SCN10A: variants seen among roughly 807,000 people sequenced by gnomAD.
The protein encoded by SCN10A is sodium channel protein type 10 subunit alpha.
SCN10A carries 162 observed loss-of-function variants against 170.7 expected under a neutral mutation model. The observed-to-expected ratio is 0.95, with a 90% CI of 0.84 to 1.08. The LOEUF is 1.08. Ranked by LOEUF, SCN10A falls within the 50% of genes least tolerant of loss-of-function variation. The pLI, the probability that SCN10A is intolerant of heterozygous loss-of-function variation, is 0.00. For missense variants in SCN10A, 2,527 were observed against 2,436.9 expected (o/e 1.04, Z -0.78); for synonymous variants, 985 against 904.6 (o/e 1.09, Z -1.59).
At chr3:38,725,415 G>A (rs2126000159) in intron 17 of SCN10A, 101 bp from the exon 18 acceptor site, 1 of 1,169,492 alleles carries the variant, frequency 8.6e-7, no homozygotes, top group East Asian at 2.6e-5. Context: ...AGAGCCAAGA[G>A]TTTCATATAT....
At position 38,756,621 on chromosome 3, in the gene SCN10A, C is replaced by A. The variant is rs541021339; in HGVS notation, c.1290+53G>T. On this transcript the variant is annotated intron_variant, in intron 10 of 27. Transcript: ENST00000449082. Reference sequence around the variant, plus strand: ...TGAAGTGGCTAGTCCAGAACAGTATCCAAGAATGGACAGTCTGCAACCTTC... The same window carrying A: ...TGAAGTGGCTAGTCCAGAACAGTATACAAGAATGGACAGTCTGCAACCTTC... The A allele has an allele frequency of 8.1e-5, 119 of 1,464,786 alleles. 1 individual carries two copies. In the African/African-American group the frequency reaches 1.3e-3, roughly 16 times the overall value. The allele number at this position is 1,464,786 out of a possible 1,614,324, so 90.7% of individuals were successfully genotyped here. A position where few individuals can be genotyped will look rare whatever the true frequency, so the allele number is the denominator to read the frequency against.
In SCN10A at chr3:38,758,005, T is replaced by C. The variant is rs142452408; in HGVS notation, c.951-846A>G. On this transcript the variant is annotated intron_variant, in intron 8 of 27. Coordinates refer to ENST00000449082, the MANE Select transcript of SCN10A (RefSeq NM_006514.4). ...TGAAACAGCAATGCCTCGTTTGAAG[T>C]CCAGAATTATTTTTTTAAATTTTTT... Among the ~76,000 whole-genome samples the C allele has an allele frequency of 1.1e-3, 173 of 152,274 alleles. 2 individuals carry two copies. In the East Asian group the frequency reaches 0.024, roughly 21 times the overall value.
intron 11 of SCN10A, among the ~76,000 whole-genome samples, chr3:38,753,335 C>T (rs562739851): frequency 9.9e-5 from 15 of 152,262 alleles, no homozygotes; most frequent in Admixed American, 7.2e-4. Context: ...CATTTGTGTC[C>T]TCAGGTGGTC....
At chr3:38,805,308 G>C (rs1052886790) in intron 1 of SCN10A, among the ~76,000 whole-genome samples, 2 of 152,102 alleles carry the variant, frequency 1.3e-5, no homozygotes, top group African/African-American at 4.8e-5. Flanking sequence ...TGTTATGTCT[G>C]AGTGAAACTG....
In SCN10A at chr3:38,723,588, T is replaced by C. The variant is rs371207458; in HGVS notation, c.3229-35A>G. The stretch of plus-strand genomic sequence containing the variant: ...AGAAGCCCAGGGCAGTGAACTCGTC[T>C]CTCCGCGGGGCCCGGGGAATTGCAC... On this transcript the variant is annotated intron_variant, in intron 18 of 27. Coordinates refer to ENST00000449082, the MANE Select transcript of SCN10A (RefSeq NM_006514.4). 7 of 1,555,526 alleles carry C rather than the reference T, an allele frequency of 4.5e-6. No individual in the cohort carries two copies. In the African/African-American group the frequency reaches 9.6e-5, roughly 21 times the overall value.
chr3:38,802,730 T>C (rs887596523), intron 1 of SCN10A, among the ~76,000 whole-genome samples: 2 of 152,182 alleles, frequency 1.3e-5, no homozygotes, highest in African/African-American at 4.8e-5. Flanking sequence ...ATTTAGGACA[T>C]AGGCATGGGC....
intron 25 of SCN10A, among the ~76,000 whole-genome samples, chr3:38,709,137 A>T (rs1457691451): frequency 6.6e-6 from 1 of 152,114 alleles, no homozygotes; most frequent in Non-Finnish European, 1.5e-5. Flanking sequence ...TGTGGGGATC[A>T]TATCCCCCAA....
intron 23 of SCN10A, among the ~76,000 whole-genome samples, chr3:38,711,793 A>G (rs1209397001): frequency 6.6e-6 from 1 of 152,242 alleles, no homozygotes; most frequent in Non-Finnish European, 1.5e-5. Flanking sequence ...ATTACAATAG[A>G]CCTAATGAGA....
At chr3:38,736,190 C>A (rs1047124991) in intron 15 of SCN10A, among the ~76,000 whole-genome samples, 2 of 152,148 alleles carry the variant, frequency 1.3e-5, no homozygotes, top group Non-Finnish European at 2.9e-5. Context: ...GCCTTTTTGG[C>A]TGGAGCAAAG....
intron 15 of SCN10A, among the ~76,000 whole-genome samples, chr3:38,739,183 T>C (rs2063602724): frequency 6.6e-6 from 1 of 152,214 alleles, no homozygotes; most frequent in Admixed American, 6.5e-5. Context: ...TCCAGTGCTA[T>C]GCCTGACACA....
intron 1 of SCN10A, among the ~76,000 whole-genome samples, chr3:38,802,901 C>T (rs1388752594): frequency 6.6e-6 from 1 of 152,126 alleles, no homozygotes; most frequent in East Asian, 1.9e-4. Flanking sequence ...ATCTACTCAT[C>T]TGATAAAGGG....
At chr3:38,782,490 T>C (rs949902617) in intron 4 of SCN10A, among the ~76,000 whole-genome samples, 3 of 152,116 alleles carry the variant, frequency 2.0e-5, no homozygotes, top group Admixed American at 6.6e-5. Flanking sequence ...TGTATATTTA[T>C]ACTGTTCTTT....
chr3:38,763,817 C>CA (rs2063902636), intron 5 of SCN10A, among the ~76,000 whole-genome samples: 1 of 152,190 alleles, frequency 6.6e-6, no homozygotes, highest in Non-Finnish European at 1.5e-5. Flanking sequence ...GTGATCTAGG[C>CA]AACACTGCAT....
intron 4 of SCN10A, among the ~76,000 whole-genome samples, chr3:38,786,013 C>T (rs4390861): frequency 0.15 from 22,824 of 152,060 alleles, 1,787 homozygotes; most frequent in African/African-American, 0.2. Context: ...GATAGGAATG[C>T]TTTTACACTG....
Position 38,712,230 on chromosome 3 carries a change from G to T in SCN10A, c.4020C>A (p.Ser1340Arg). The change falls in exon 23 of 28, where the codon AGC becomes AGA. Residue 1340 changes from serine to arginine, a missense_variant. Transcript: ENST00000449082. ...TGACTTTCACATTGACCCAGAAGAA[G>T]CTGCCAGTGGAGTTTTGAATCTTGC... is the stretch of plus-strand genomic sequence containing the variant. ...SDCKIQNSTGSFFWVNVKVNF... is the reference protein window; with the variant it reads ...SDCKIQNSTGRFFWVNVKVNF... 6.2e-7 allele frequency: 1 copy of T among 1,614,196 alleles called. No individual in the cohort carries two copies. The highest frequency in any genetic ancestry group is 8.5e-7 in the Non-Finnish European group (1 of 1,180,014).
intron 15 of SCN10A, among the ~76,000 whole-genome samples, chr3:38,736,781 T>A (rs2063565116): frequency 6.6e-6 from 1 of 151,766 alleles, no homozygotes. Flanking sequence ...CTGATCAGCA[T>A]GTTAAATCAG....
Position 38,712,234 on chromosome 3 carries a change from C to A in SCN10A, c.4016G>T (p.Gly1339Val), listed in dbSNP as rs1191498319. The A allele has an allele frequency of 1.9e-5, 31 of 1,614,040 alleles. No individual in the cohort carries two copies. Among genetic ancestry groups the A allele is most frequent in the Non-Finnish European group, 2.6e-5 (31 of 1,180,010 alleles). The change falls in exon 23 of 28, where the codon GGC (glycine) becomes GTC (valine). Residue 1339 changes from glycine to valine, a missense_variant. Coordinates refer to ENST00000449082, the MANE Select transcript of SCN10A (RefSeq NM_006514.4). ...KSDCKIQNST[G>V]SFFWVNVKVN... Reference sequence around the variant, plus strand: ...TTTCACATTGACCCAGAAGAAGCTGCCAGTGGAGTTTTGAATCTTGCAGTC... The same window carrying A: ...TTTCACATTGACCCAGAAGAAGCTGACAGTGGAGTTTTGAATCTTGCAGTC...
At chr3:38,718,123 C>A (rs1458611696) in intron 21 of SCN10A, among the ~76,000 whole-genome samples, 1 of 152,192 alleles carries the variant, frequency 6.6e-6, no homozygotes, top group South Asian at 2.1e-4. Flanking sequence ...CTTGGAAATG[C>A]CTGGGAGCAT....
chr3:38,709,331 A>C (rs2063246045), intron 25 of SCN10A, 147 bp downstream of exon 25: 1 of 655,130 alleles, frequency 1.5e-6, no homozygotes, highest in Admixed American at 3.2e-5. Flanking sequence ...CTGCAACAGC[A>C]ATCACAGGGC....
Sources: gnomAD v4.1 joint callset for allele counts (sites outside exome capture counted in the v4.1 genomes callset) on GRCh38, gnomAD v4.1.1 for gene constraint, MANE v1.5 for transcripts, NCBI Gene and HGNC (gene_info 2026-07-23, HGNC 2026-07-21) for gene names.